TLL1: variants seen among roughly 807,000 people sequenced by gnomAD.
TLL1 encodes tolloid-like protein 1.
Under a neutral mutation model 128.2 loss-of-function variants are expected in TLL1, and 49 were observed. The ratio of observed to expected loss-of-function variants is 0.38; its 90% CI spans 0.30 to 0.48. The LOEUF (loss-of-function observed/expected upper bound fraction) is 0.48, where lower values mean the gene tolerates loss of function less well. Among genes scored for constraint, TLL1 ranks in the 20% least tolerant of loss-of-function variants. The pLI is 0.96. For missense variants in TLL1, 1,123 were observed against 1,242.0 expected (o/e 0.90, Z 1.44); for synonymous variants, 454 against 418.8 (o/e 1.08, Z -1.03).
At chr4:165,971,988 C>T (rs954495301) in intron 1 of TLL1, among the ~76,000 whole-genome samples, 18 of 152,094 alleles carry the variant, frequency 1.2e-4, no homozygotes, top group African/African-American at 3.9e-4. Context: ...GTGTAGCCTA[C>T]GTATAAGTAG....
intron 7 of TLL1, 95 bp from the exon 8 acceptor site, chr4:166,014,341 T>C: frequency 3.8e-6 from 6 of 1,579,876 alleles, no homozygotes; most frequent in South Asian, 1.1e-5. Context: ...TCCCCTTTGA[T>C]TGACTTGAGT....
chr4:165,956,083 C>A (rs1229735453), intron 1 of TLL1, among the ~76,000 whole-genome samples: 2 of 151,902 alleles, frequency 1.3e-5, no homozygotes, highest in African/African-American at 4.8e-5. Flanking sequence ...GGGCAAAAAG[C>A]AGAACAAAGA....
chr4:166,061,829 T>G (rs1740328476), intron 15 of TLL1, among the ~76,000 whole-genome samples: 1 of 152,180 alleles, frequency 6.6e-6, no homozygotes. Context: ...TAGGTTTTCT[T>G]CTAGGGTTTT....
chr4:166,006,342 G>T (rs76436123), intron 6 of TLL1, among the ~76,000 whole-genome samples: 1 of 151,670 alleles, frequency 6.6e-6, no homozygotes, highest in Non-Finnish European at 1.5e-5. Context: ...GCTGTGTATG[G>T]CTATGTTGTT....
intron 1 of TLL1, among the ~76,000 whole-genome samples, chr4:165,878,815 C>G (rs1730835935): frequency 6.6e-6 from 1 of 151,754 alleles, no homozygotes; most frequent in African/African-American, 2.4e-5. Context: ...GTGTAGGCCT[C>G]CTTAGACCAA....
chr4:165,907,958 T>C (rs1354146841), intron 1 of TLL1, among the ~76,000 whole-genome samples: 3 of 152,190 alleles, frequency 2.0e-5, no homozygotes, highest in Non-Finnish European at 4.4e-5. Context: ...AACACTGCTA[T>C]AGGCCTGTAA....
rs1392864432 is a variant in TLL1, at chr4:165,979,159, A to G, written c.170-10222A>G. Among the ~76,000 whole-genome samples the G allele has an allele frequency of 2.0e-5, 3 of 152,246 alleles. No homozygotes were observed. In the East Asian group the frequency reaches 5.8e-4, roughly 29 times the overall value. ...ATTTCTAAAAAAGGTGTATACATGC[A>G]TATCCTATGACCCACTGATTGACTA... On this transcript the variant is annotated intron_variant, in intron 1 of 20. Transcript: ENST00000061240.
intron 7 of TLL1, among the ~76,000 whole-genome samples, chr4:166,013,824 T>A (rs1022236919): frequency 1.3e-5 from 2 of 151,826 alleles, no homozygotes; most frequent in African/African-American, 4.8e-5. Context: ...GATTAGGTTT[T>A]CTTATTTACT....
intron 9 of TLL1, among the ~76,000 whole-genome samples, chr4:166,036,789 CTGTGTGTGTGTG>C (rs3047083): frequency 1.9e-3 from 276 of 145,222 alleles, no homozygotes; most frequent in African/African-American, 6.2e-3. Context: ...CCCTATCCAA[CTGTGTGTGTGTG>C]TGTGTGTGTG....
chr4:165,893,814 T>A (rs1224907049), intron 1 of TLL1, among the ~76,000 whole-genome samples: 1 of 152,046 alleles, frequency 6.6e-6, no homozygotes, highest in African/African-American at 2.4e-5. Flanking sequence ...TAACCCTAAT[T>A]TAAACACTCT....
intron 1 of TLL1, among the ~76,000 whole-genome samples, chr4:165,878,920 CTTTTTTTTTT>C (rs140447889): frequency 6.6e-4 from 40 of 60,510 alleles, no homozygotes; most frequent in East Asian, 2.0e-3. Flanking sequence ...TGATGGCTTC[CTTTTTTTTTT>C]TTTTTTTTTT....
At chr4:165,990,408 T>A (rs1736582810) in intron 2 of TLL1, among the ~76,000 whole-genome samples, 1 of 152,036 alleles carries the variant, frequency 6.6e-6, no homozygotes, top group South Asian at 2.1e-4. Context: ...CACATATATA[T>A]TATGGACTTA....
intron 15 of TLL1, among the ~76,000 whole-genome samples, chr4:166,060,408 AT>A (rs1006717067): frequency 5.9e-4 from 90 of 152,208 alleles, no homozygotes; most frequent in African/African-American, 2.1e-3. Flanking sequence ...GGGAGTTTTT[AT>A]TTAGTGTATT....
intron 1 of TLL1, among the ~76,000 whole-genome samples, chr4:165,973,288 G>A (rs761682310): frequency 7.9e-5 from 12 of 151,968 alleles, no homozygotes; most frequent in Admixed American, 1.3e-4. Context: ...GCATGTTTAC[G>A]TTGTCTTTCA....
chr4:165,939,655 A>G (rs113685534), intron 1 of TLL1, among the ~76,000 whole-genome samples: 5,417 of 151,968 alleles, frequency 0.036, 286 homozygotes, highest in African/African-American at 0.12. Context: ...TTACTGTAAG[A>G]TTCATTCTTC....
chr4:166,047,617 A>C (rs547909339), intron 12 of TLL1, among the ~76,000 whole-genome samples: 1 of 151,982 alleles, frequency 6.6e-6, no homozygotes, highest in South Asian at 2.1e-4. Flanking sequence ...TCCATCATTC[A>C]TGCTTCTATG....
At chr4:165,923,656 C>T (rs958000850) in intron 1 of TLL1, among the ~76,000 whole-genome samples, 7 of 151,926 alleles carry the variant, frequency 4.6e-5, no homozygotes, top group African/African-American at 1.7e-4. Context: ...AGGATGGTCT[C>T]GATTTCCTGA....
chr4:165,938,296 C>G (rs1415567942), intron 1 of TLL1, among the ~76,000 whole-genome samples: 2 of 151,970 alleles, frequency 1.3e-5, no homozygotes, highest in Non-Finnish European at 2.9e-5. Context: ...TCTTTTATTT[C>G]TGATTATTTT....
intron 15 of TLL1, among the ~76,000 whole-genome samples, chr4:166,062,981 T>C (rs912992228): frequency 1.3e-5 from 2 of 152,204 alleles, no homozygotes; most frequent in African/African-American, 4.8e-5. Context: ...GATAATCATG[T>C]GGTTTTTGTC....
Sources: gnomAD v4.1 joint callset for allele counts (sites outside exome capture counted in the v4.1 genomes callset) on GRCh38, gnomAD v4.1.1 for gene constraint, MANE v1.5 for transcripts, NCBI Gene and HGNC (gene_info 2026-07-23, HGNC 2026-07-21) for gene names.